Variants in WNT5A observed in about 807,000 individuals in gnomAD.
WNT5A encodes the protein protein Wnt-5a.
A neutral mutation model predicts 42.1 loss-of-function variants in WNT5A; 9 were observed. The observed-to-expected ratio is 0.21, with a 90% CI of 0.13 to 0.37. The LOEUF (loss-of-function observed/expected upper bound fraction) is 0.37. Among genes scored for constraint, WNT5A ranks in the 10% least tolerant of loss-of-function variants. WNT5A has a pLI of 1.00. For missense variants in WNT5A, 426 were observed against 534.0 expected, an observed-to-expected ratio of 0.80 and a Z score of 1.99; for synonymous variants, 210 against 210.0, an observed-to-expected ratio of 1.00 and a Z score of 0.00.
intron 2 of WNT5A, 98 bp downstream of exon 2, chr3:55,480,687 C>A (rs1199225762): frequency 2.4e-6 from 3 of 1,266,424 alleles, no homozygotes; most frequent in South Asian, 2.3e-5. Context: ...ATAAATACAC[C>A]CACACTCACT....
the WNT5A span, among the ~76,000 whole-genome samples, chr3:55,504,975 C>T: frequency 6.6e-6 from 1 of 152,256 alleles, no homozygotes; most frequent in African/African-American, 2.4e-5. Context: ...TGTACATCTG[C>T]TTTCACCCAG....
chr3:55,474,502 C>T lies in WNT5A; in HGVS notation c.519G>A (p.Leu173=). 6.3e-7 allele frequency: 1 copy of T among 1,587,698 alleles called. No individual in the cohort carries two copies. Among genetic ancestry groups the T allele is most frequent in the South Asian group, 1.1e-5 (1 of 87,662 alleles). The change falls in exon 4 of 5, where the codon CTG becomes CTA. Residue 173 remains leucine (L), a synonymous_variant. Transcript: ENST00000264634. ...AGCCGCCCCAGAGCCAGTCCCGCGGCAGGTCCTTGGGGCGCGCGGCGCGGC... is the reference window on the plus strand; with the variant it reads ...AGCCGCCCCAGAGCCAGTCCCGCGGTAGGTCCTTGGGGCGCGCGGCGCGGC... ...GCSRAARPKD[L]PRDWLWGGCG...
intron 4 of WNT5A, among the ~76,000 whole-genome samples, chr3:55,472,720 C>A (rs114908946): frequency 0.011 from 1,676 of 152,266 alleles, 23 homozygotes; most frequent in South Asian, 0.017. Flanking sequence ...CCGGAACACC[C>A]AAATGTTTAA....
chr3:55,498,501 C>T, the WNT5A span, among the ~76,000 whole-genome samples: 2 of 152,182 alleles, frequency 1.3e-5, no homozygotes, highest in Admixed American at 6.5e-5. Context: ...AGAGGAAAAG[C>T]AGACACACTA....
chr3:55,485,540 C>G (rs2051561169), intron 1 of WNT5A, among the ~76,000 whole-genome samples: 1 of 152,102 alleles, frequency 6.6e-6, no homozygotes. Flanking sequence ...CACACTCGGA[C>G]ACACACACAT....
chr3:55,496,604 C>G, the WNT5A span, among the ~76,000 whole-genome samples: 108 of 152,314 alleles, frequency 7.1e-4, no homozygotes, highest in African/African-American at 2.3e-3. Flanking sequence ...CTGCTCAACC[C>G]AGGAGCATGA....
At chr3:55,496,044 T>A in the WNT5A span, among the ~76,000 whole-genome samples, 1 of 152,212 alleles carries the variant, frequency 6.6e-6, no homozygotes, top group Non-Finnish European at 1.5e-5. Context: ...TTTTTTGAAT[T>A]TTAACATGTT....
the WNT5A span, among the ~76,000 whole-genome samples, chr3:55,498,275 AT>A: frequency 2.1e-4 from 32 of 152,058 alleles, no homozygotes; most frequent in Non-Finnish European, 4.1e-4. Flanking sequence ...TTCCAGGGGG[AT>A]CATCAATTTC....
chr3:55,492,264 T>C (rs2051668716), upstream of WNT5A, among the ~76,000 whole-genome samples: 1 of 152,130 alleles, frequency 6.6e-6, no homozygotes, highest in Non-Finnish European at 1.5e-5. Flanking sequence ...TTTAATTTTG[T>C]TTCATTTTAG....
chr3:55,501,745 A>C, the WNT5A span: 1 of 152,214 alleles, frequency 6.6e-6, no homozygotes, highest in South Asian at 2.1e-4. Context: ...CTATTCTTTG[A>C]GCTAATAACT....
intron 3 of WNT5A, 105 bp downstream of exon 3, chr3:55,479,209 A>C (rs2051409694): frequency 1.5e-6 from 2 of 1,297,894 alleles, no homozygotes; most frequent in East Asian, 5.3e-5. Flanking sequence ...CCGAGCTGGA[A>C]GGCATCCTCC....
upstream of WNT5A, among the ~76,000 whole-genome samples, chr3:55,492,985 C>T (rs115286556): frequency 4.9e-3 from 750 of 152,322 alleles, 12 homozygotes; most frequent in African/African-American, 0.016. Flanking sequence ...TCAAGCTCAG[C>T]TCAATGGAAC....
chr3:55,474,005 C>T (rs1007978489), intron 4 of WNT5A, among the ~76,000 whole-genome samples: 4 of 152,106 alleles, frequency 2.6e-5, no homozygotes, highest in African/African-American at 7.2e-5. Flanking sequence ...GGATGATCCG[C>T]CCAGGAGGCC....
At chr3:55,496,681 A>T in the WNT5A span, among the ~76,000 whole-genome samples, 1 of 152,180 alleles carries the variant, frequency 6.6e-6, no homozygotes, top group African/African-American at 2.4e-5. Flanking sequence ...GTGGGAACAT[A>T]AGCGCCTTCC....
chr3:55,471,824 T>C (rs1182474150), intron 4 of WNT5A, among the ~76,000 whole-genome samples: 1 of 152,214 alleles, frequency 6.6e-6, no homozygotes, highest in Non-Finnish European at 1.5e-5. Flanking sequence ...GGAGAAGACC[T>C]GTCAGGAACC....
In WNT5A at chr3:55,480,821, G is replaced by A. The variant is rs1553679404; in HGVS notation, c.104C>T (p.Ser35Phe). The change falls in exon 2 of 5, where the codon TCC becomes TTC. Residue 35 changes from serine (S) to phenylalanine (F), a missense_variant. Physicochemically the swap from Ser to Phe is radical, Grantham distance 155. Coordinates refer to ENST00000264634, the MANE Select transcript of WNT5A (RefSeq NM_003392.7). ...FFLVALAIFF[S>F]FAQVVIEANS... Reference sequence around the variant, plus strand: ...GGCTTCAATTACAACCTGGGCGAAGGAGAAAAATATGGCCAAAGCCACTAG... The same window carrying A: ...GGCTTCAATTACAACCTGGGCGAAGAAGAAAAATATGGCCAAAGCCACTAG... 4 of 1,577,716 alleles carry A rather than the reference G, an allele frequency of 2.5e-6. No homozygotes were observed. The Admixed American group carries it at 5.4e-5, about 21-fold the overall frequency.
chr3:55,485,804 T>C (rs1359206054), intron 1 of WNT5A, among the ~76,000 whole-genome samples: 1 of 152,040 alleles, frequency 6.6e-6, no homozygotes, highest in Non-Finnish European at 1.5e-5. Flanking sequence ...CAGACAGGGA[T>C]TAGAAAGTCA....
intron 1 of WNT5A, 154 bp from the exon 2 acceptor site, chr3:55,481,072 G>A: frequency 1.2e-6 from 1 of 866,518 alleles, no homozygotes; most frequent in Non-Finnish European, 1.5e-6. Flanking sequence ...GATATAGGCA[G>A]TTTCTTTTTC....
At chr3:55,474,075 G>C (rs941086892) in intron 4 of WNT5A, among the ~76,000 whole-genome samples, 5 of 152,142 alleles carry the variant, frequency 3.3e-5, no homozygotes, top group Non-Finnish European at 5.9e-5. Context: ...GTAGACAAAG[G>C]GGGAGAAGAG....
Sources: allele counts gnomAD v4.1 joint callset (sites outside exome capture counted in the v4.1 genomes callset), GRCh38; gene constraint gnomAD v4.1.1; transcripts MANE v1.5; gene names NCBI Gene and HGNC (gene_info 2026-07-23, HGNC 2026-07-21).